Variants in EDA observed in about 807,000 individuals in gnomAD.
EDA encodes ectodysplasin A.
Under a neutral mutation model 23.6 loss-of-function variants are expected in EDA, and 2 were observed. The observed-to-expected ratio is 0.08, with a 90% CI of 0.03 to 0.27. EDA has a LOEUF of 0.27. EDA is among the 10% of genes least tolerant of loss of function. The pLI is 1.00. For missense variants in EDA, 229 were observed against 324.2 expected (o/e 0.71, Z 2.26); for synonymous variants, 131 against 132.0 (o/e 0.99, Z 0.05).
chrX:70,002,100 T>A (rs1000161495), intron 2 of EDA, among the ~76,000 whole-genome samples: 2 of 110,974 alleles, frequency 1.8e-5, no homozygotes, highest in Non-Finnish European at 3.8e-5. Context: ...GGCATGAGAG[T>A]TCCCGGTAAC....
intron 1 of EDA, among the ~76,000 whole-genome samples, chrX:69,659,994 A>C (rs1933434470): frequency 9.0e-6 from 1 of 111,246 alleles, no homozygotes; most frequent in African/African-American, 3.3e-5. Context: ...TATCTTTCCC[A>C]TCCCTTTTTT....
At chrX:69,647,514 C>T (rs1439969410) in intron 1 of EDA, among the ~76,000 whole-genome samples, 1 of 111,768 alleles carries the variant, frequency 8.9e-6, no homozygotes, top group Non-Finnish European at 1.9e-5. Context: ...GTGAAGTTCT[C>T]GTGTTGTGTT....
At chrX:69,750,338 C>A (rs2013792910) in intron 1 of EDA, among the ~76,000 whole-genome samples, 1 of 109,064 alleles carries the variant, frequency 9.2e-6, no homozygotes, top group Admixed American at 9.9e-5. Context: ...CATGTCCCTA[C>A]AAAGGGCAGG....
At chrX:69,742,779 T>C (rs1468446888) in intron 1 of EDA, among the ~76,000 whole-genome samples, 3 of 111,295 alleles carry the variant, frequency 2.7e-5, no homozygotes, top group African/African-American at 9.8e-5. Flanking sequence ...ATAGTACTTC[T>C]ATGCAGTAAA....
At chrX:70,023,367 CAT>C (rs2020063341) in intron 3 of EDA, 126 bp downstream of exon 3, 1 of 404,088 alleles carries the variant, frequency 2.5e-6, no homozygotes, top group South Asian at 4.8e-5. Flanking sequence ...TTTATTCAAT[CAT>C]ATGTTATCTT....
At chrX:69,958,827 C>T (rs896168531) in intron 2 of EDA, among the ~76,000 whole-genome samples, 1 of 111,201 alleles carries the variant, frequency 9.0e-6, no homozygotes, top group African/African-American at 3.3e-5. Flanking sequence ...GTAAGTCTCT[C>T]CACCTTCAGC....
intron 1 of EDA, among the ~76,000 whole-genome samples, chrX:69,696,725 A>G (rs1463767041): frequency 1.8e-5 from 2 of 112,227 alleles, no homozygotes; most frequent in Non-Finnish European, 3.8e-5. Flanking sequence ...ATATACAAAC[A>G]TTTTATGAAT....
chrX:69,701,953 G>T (rs181387600), intron 1 of EDA, among the ~76,000 whole-genome samples: 171 of 111,024 alleles, frequency 1.5e-3, no homozygotes, highest in African/African-American at 5.4e-3. Context: ...ATACGCCTGA[G>T]CTAGGGTCCA....
chrX:69,910,712 TCTG>T (rs1194863446), intron 1 of EDA, among the ~76,000 whole-genome samples: 1 of 111,473 alleles, frequency 9.0e-6, no homozygotes, highest in African/African-American at 3.3e-5. Context: ...TCATTTCCAT[TCTG>T]CTAAGTCTGA....
chrX:69,684,180 A>G (rs1569295863), intron 1 of EDA, among the ~76,000 whole-genome samples: 2 of 112,122 alleles, frequency 1.8e-5, no homozygotes, highest in Non-Finnish European at 3.8e-5. Flanking sequence ...TGCTTTAATC[A>G]TGATTATCAT....
At chrX:69,701,900 C>T (rs371546838) in intron 1 of EDA, among the ~76,000 whole-genome samples, 8 of 110,972 alleles carry the variant, frequency 7.2e-5, no homozygotes, top group African/African-American at 2.0e-4. Flanking sequence ...ACTACCTCTG[C>T]GCCAGTAGGC....
At position 69,634,618 on chromosome X, in the gene EDA, C is replaced by A. The variant is rs1172246571; in HGVS notation, c.396+17914C>A. On this transcript the variant is annotated intron_variant, in intron 1 of 7. Transcript: ENST00000374552. ...ACAGACATGAGCTACCATGCCCGGC[C>A]TCCTTATTTTTTGAACCCTCTCCTC... Among the ~76,000 whole-genome samples, 3 of 111,324 alleles carry A rather than the reference C, an allele frequency of 2.7e-5. No homozygotes were observed. The Admixed American group carries it at 2.9e-4, about 11-fold the overall frequency.
At chrX:69,694,566 G>C (rs777439078) in intron 1 of EDA, among the ~76,000 whole-genome samples, 1 of 111,909 alleles carries the variant, frequency 8.9e-6, no homozygotes, top group African/African-American at 3.2e-5. Flanking sequence ...TAGGCTTATA[G>C]TTGCTCAGGA....
At chrX:69,941,862 T>C (rs111713780) in intron 1 of EDA, among the ~76,000 whole-genome samples, 28,406 of 110,838 alleles carry the variant, frequency 0.26, 3,616 homozygotes, top group Middle Eastern at 0.49. Flanking sequence ...TTCTTTCCTT[T>C]CTTCCTGTCT....
chrX:69,960,424 G>A (rs5936807), intron 2 of EDA, among the ~76,000 whole-genome samples: 25,667 of 110,795 alleles, frequency 0.23, 2,478 homozygotes, highest in Non-Finnish European at 0.3. Context: ...GAGAGAAGCA[G>A]TGTAGAGGAA....
intron 1 of EDA, among the ~76,000 whole-genome samples, chrX:69,817,138 G>T (rs1206420523): frequency 2.7e-5 from 3 of 111,750 alleles, no homozygotes; most frequent in African/African-American, 9.8e-5. Context: ...AAGCGAAGGA[G>T]AAATAAGATC....
chrX:69,880,285 T>C (rs2017724490), intron 1 of EDA, among the ~76,000 whole-genome samples: 1 of 112,292 alleles, frequency 8.9e-6, no homozygotes, highest in African/African-American at 3.2e-5. Context: ...ACCCGTCTCT[T>C]GACCTAATCA....
chrX:69,631,176 T>C (rs1187366589), intron 1 of EDA, among the ~76,000 whole-genome samples: 2 of 109,695 alleles, frequency 1.8e-5, no homozygotes, highest in East Asian at 5.7e-4. Context: ...AGGTCAGGAG[T>C]TCGAGACCAG....
intron 1 of EDA, among the ~76,000 whole-genome samples, chrX:69,754,863 C>T (rs1288274202): frequency 8.9e-6 from 1 of 112,281 alleles, no homozygotes; most frequent in East Asian, 2.8e-4. Context: ...GAAGCTTGTG[C>T]ATGCATCATG....
Sources: gnomAD v4.1 joint callset for allele counts (sites outside exome capture counted in the v4.1 genomes callset) on GRCh38, gnomAD v4.1.1 for gene constraint, MANE v1.5 for transcripts, NCBI Gene and HGNC (gene_info 2026-07-23, HGNC 2026-07-21) for gene names.